Variants in TRMT9B observed in about 807,000 individuals in gnomAD.
TRMT9B encodes probable tRNA methyltransferase 9B.
In TRMT9B, 16 loss-of-function variants were observed where a neutral mutation model predicts 11.5. The observed-to-expected ratio is 1.39, with a 90% confidence interval of 0.94 to 2.11. The LOEUF (loss-of-function observed/expected upper bound fraction) is 2.11, where lower values mean the gene tolerates loss of function less well. Among genes scored for constraint, TRMT9B ranks in the 30% most tolerant of loss-of-function variants. The pLI is 0.00. For synonymous variants in TRMT9B, 274 were observed against 192.4 expected, an observed-to-expected ratio of 1.42 and a Z score of -3.51; for missense variants, 941 against 553.8, an observed-to-expected ratio of 1.70 and a Z score of -7.02.
intron 1 of TRMT9B, among the ~76,000 whole-genome samples, chr8:12,956,602 A>T (rs1362456191): frequency 6.6e-6 from 1 of 152,252 alleles, no homozygotes; most frequent in Non-Finnish European, 1.5e-5. Flanking sequence ...CCATTTAATG[A>T]ACCACAATAC....
intron 4 of TRMT9B, among the ~76,000 whole-genome samples, chr8:13,015,058 G>GAAAT (rs143449358): frequency 0.12 from 17,565 of 145,362 alleles, 1,179 homozygotes; most frequent in East Asian, 0.21. Context: ...GACTCCATCT[G>GAAAT]AAATAAATAA....
At chr8:12,960,424 TC>T (rs1479129661) in intron 1 of TRMT9B, 1 of 152,128 alleles carries the variant, frequency 6.6e-6, no homozygotes, top group Non-Finnish European at 1.5e-5. Flanking sequence ...TGGACAGTGT[TC>T]CCAGGCCTGC....
intron 4 of TRMT9B, among the ~76,000 whole-genome samples, chr8:13,014,973 T>G (rs1218939859): frequency 6.6e-6 from 1 of 151,904 alleles, no homozygotes; most frequent in Admixed American, 6.6e-5. Context: ...GGCAGGGAAT[T>G]GCTTGAACCC....
intron 4 of TRMT9B, among the ~76,000 whole-genome samples, chr8:13,017,134 G>A (rs895815759): frequency 9.9e-5 from 15 of 151,692 alleles, no homozygotes; most frequent in African/African-American, 2.9e-4. Flanking sequence ...AAAAAACCCC[G>A]AATTATCTAG....
chr8:12,948,587 G>T (rs1307069520), intron 1 of TRMT9B, among the ~76,000 whole-genome samples: 5 of 149,108 alleles, frequency 3.4e-5, no homozygotes, highest in Non-Finnish European at 5.9e-5. Flanking sequence ...TAAATTATAT[G>T]CATGATATAA....
intron 1 of TRMT9B, among the ~76,000 whole-genome samples, chr8:12,952,977 A>G (rs1159363357): frequency 6.6e-6 from 1 of 152,024 alleles, no homozygotes; most frequent in African/African-American, 2.4e-5. Flanking sequence ...TGACCTCGTG[A>G]TCCGCCTGCC....
intron 1 of TRMT9B, among the ~76,000 whole-genome samples, chr8:12,984,996 C>G (rs943628044): frequency 6.6e-6 from 1 of 151,752 alleles, no homozygotes; most frequent in Non-Finnish European, 1.5e-5. Flanking sequence ...CACTCTCTCT[C>G]TCACACTCCC....
At chr8:12,982,598 G>T (rs1213660258) in intron 1 of TRMT9B, among the ~76,000 whole-genome samples, 1 of 151,856 alleles carries the variant, frequency 6.6e-6, no homozygotes, top group Non-Finnish European at 1.5e-5. Flanking sequence ...AGAGGCGGAG[G>T]TTGCAGTGAG....
intron 3 of TRMT9B, chr8:13,010,330 A>G: frequency 1.0e-6 from 1 of 965,912 alleles, no homozygotes; most frequent in Non-Finnish European, 1.2e-6. Context: ...ATGAAATTGA[A>G]GTTAAAGAAG....
intron 2 of TRMT9B, among the ~76,000 whole-genome samples, chr8:13,001,283 TC>T (rs1809396996): frequency 6.6e-6 from 1 of 152,152 alleles, no homozygotes; most frequent in Admixed American, 6.5e-5. Flanking sequence ...ATGGACTGGT[TC>T]CCTGTAGATC....
At chr8:12,947,270 T>G (rs1316375652) in intron 1 of TRMT9B, among the ~76,000 whole-genome samples, 1 of 152,202 alleles carries the variant, frequency 6.6e-6, no homozygotes, top group Non-Finnish European at 1.5e-5. Flanking sequence ...CACAATTTCT[T>G]CCTGCAATCT....
At chr8:12,975,009 C>T (rs1804221311) in intron 1 of TRMT9B, among the ~76,000 whole-genome samples, 1 of 149,878 alleles carries the variant, frequency 6.7e-6, no homozygotes, top group Admixed American at 6.7e-5. Context: ...GGTCTGTGGT[C>T]ATACATAAGC....
chr8:13,003,375 T>C (rs998054527), intron 2 of TRMT9B, among the ~76,000 whole-genome samples: 2 of 152,198 alleles, frequency 1.3e-5, no homozygotes, highest in Non-Finnish European at 1.5e-5. Context: ...AAACGGGACC[T>C]GCTCTTGTGC....
rs1281739657 is a variant in TRMT9B, at chr8:12,945,924, A to C, written c.-242A>C. The C allele has an allele frequency of 6.6e-6, 1 of 152,210 alleles. No individual in the cohort carries two copies. The highest frequency in any genetic ancestry group is 1.5e-5 in the Non-Finnish European group (1 of 68,046). 9.4% of individuals were successfully genotyped at this position (152,210 alleles called of 1,614,324 possible). ...CAGTCCTCCCTCTGGGAAAGTGATG[A>C]AACCTGTGAGCTCTCCTAGCAACTC... On this transcript the variant is annotated 5_prime_UTR_variant, in exon 1 of 5. Coordinates refer to ENST00000524591, the MANE Select transcript of TRMT9B (RefSeq NM_020844.3).
Position 12,991,033 on chromosome 8 carries a change from T to G in TRMT9B, c.-2+2T>G. 1 of 1,221,974 alleles carries G rather than the reference T, an allele frequency of 8.2e-7. No individual in the cohort carries two copies. Among genetic ancestry groups the G allele is most frequent in the South Asian group, 1.5e-5 (1 of 67,898 alleles). The allele number at this position is 1,221,974 out of a possible 1,614,324, so 75.7% of individuals were successfully genotyped here. On this transcript the variant is annotated splice_donor_variant, in intron 2 of 4. Transcript: ENST00000524591. LOFTEE classifies it low-confidence loss of function (5UTR_SPLICE). Reference sequence around the variant, plus strand: ...TCCTGTAATCACAGGATGACTCAGGTTAGTAGCTTTCAGCGCTTCTGCAAC... The same window carrying G: ...TCCTGTAATCACAGGATGACTCAGGGTAGTAGCTTTCAGCGCTTCTGCAAC...
chr8:12,945,944 CAACT>C lies in TRMT9B; in HGVS notation c.-221_-218del, dbSNP rs1014526586. ...TGATGAAACCTGTGAGCTCTCCTAG[CAACT>C]CTGCAGTCTTCCTTCAAGGTATGTG... On this transcript the variant is annotated 5_prime_UTR_variant, in exon 1 of 5. An upstream open reading frame in the 5' UTR loses its in-frame stop. Transcript: ENST00000524591. 4.8e-4 allele frequency: 73 copies of C among 152,258 alleles called. No individual in the cohort carries two copies. Among genetic ancestry groups the C allele is most frequent in the African/African-American group, 1.7e-3 (70 of 41,546 alleles). The allele number at this position is 152,258 out of a possible 1,614,324, so 9.4% of individuals were successfully genotyped here.
intron 1 of TRMT9B, among the ~76,000 whole-genome samples, chr8:12,962,990 G>A: frequency 6.6e-6 from 1 of 152,210 alleles, no homozygotes; most frequent in South Asian, 2.1e-4. Context: ...TGATTTGGGG[G>A]TTTGATTTCT....
Position 13,022,156 on chromosome 8 carries a change from G to T in TRMT9B, c.*112G>T. The T allele has an allele frequency of 1.3e-6, 1 of 751,022 alleles. No homozygotes were observed. Among genetic ancestry groups the T allele is most frequent in the South Asian group, 2.1e-5 (1 of 46,754 alleles). The allele number at this position is 751,022 out of a possible 1,614,324, so 46.5% of individuals were successfully genotyped here. On this transcript the variant is annotated 3_prime_UTR_variant, in exon 5 of 5. Coordinates refer to ENST00000524591, the MANE Select transcript of TRMT9B (RefSeq NM_020844.3). ...TTATTTGTTAATCCATTTACGCTTTGGTCTGCAGAGACTATTAATTATTTG... is the reference window on the plus strand; with the variant it reads ...TTATTTGTTAATCCATTTACGCTTTTGTCTGCAGAGACTATTAATTATTTG...
intron 3 of TRMT9B, chr8:13,011,694 C>A: frequency 8.2e-6 from 8 of 978,890 alleles, no homozygotes; most frequent in Non-Finnish European, 9.7e-6. Context: ...TTTGTAAATC[C>A]TGAATTACTT....
Sources: gnomAD v4.1 joint callset for allele counts (sites outside exome capture counted in the v4.1 genomes callset) on GRCh38, gnomAD v4.1.1 for gene constraint, MANE v1.5 for transcripts, NCBI Gene and HGNC (gene_info 2026-07-23, HGNC 2026-07-21) for gene names.